The following EBF2 variants were observed in gnomAD, a reference collection of about 807,000 sequenced individuals.
EBF2 encodes EBF transcription factor 2.
Under a neutral mutation model 72.8 loss-of-function variants are expected in EBF2, and 21 were observed. The ratio of observed to expected loss-of-function variants is 0.29; its 90% CI spans 0.20 to 0.42. The LOEUF (loss-of-function observed/expected upper bound fraction) is 0.42. EBF2 is among the 10% of genes least tolerant of loss of function. The pLI, the probability that EBF2 is intolerant of heterozygous loss-of-function variation, is 1.00. For synonymous variants in EBF2, 299 were observed against 274.2 expected, an observed-to-expected ratio of 1.09 and a Z score of -0.89; for missense variants, 637 against 731.2, an observed-to-expected ratio of 0.87 and a Z score of 1.49.
chr8:25,915,371 G>C (rs1391866991), intron 6 of EBF2, among the ~76,000 whole-genome samples: 5 of 151,902 alleles, frequency 3.3e-5, no homozygotes, highest in Admixed American at 3.3e-4. Context: ...TCCTGTCATT[G>C]TCTTCCTCTT....
At chr8:25,900,839 G>T (rs1322440159) in intron 7 of EBF2, among the ~76,000 whole-genome samples, 1 of 151,926 alleles carries the variant, frequency 6.6e-6, no homozygotes, top group Non-Finnish European at 1.5e-5. Context: ...AAATGATTAG[G>T]CAGGATGAAG....
At chr8:25,946,924 GT>G (rs145143555) in intron 6 of EBF2, among the ~76,000 whole-genome samples, 1 of 152,146 alleles carries the variant, frequency 6.6e-6, no homozygotes, top group Admixed American at 6.5e-5. Flanking sequence ...ACAGAGTTAC[GT>G]TTTTTTGTGA....
chr8:25,846,967 G>A (rs1429859729), intron 15 of EBF2, among the ~76,000 whole-genome samples: 1 of 152,148 alleles, frequency 6.6e-6, no homozygotes, highest in Non-Finnish European at 1.5e-5. Flanking sequence ...GGGGTAGGGG[G>A]TATAGGGTAA....
rs1805659906 is a variant in EBF2, at chr8:26,044,178, C to G, written c.131+551G>C. On this transcript the variant is annotated intron_variant, in intron 1 of 15. Coordinates refer to ENST00000520164, the MANE Select transcript of EBF2 (RefSeq NM_022659.4). This position sits in a 1 kb window ranked among gnomAD's most constrained non-coding sequence, Gnocchi z 4.1. ...CCAGCCTGTCCCCCCTCCCAGAGCTCCCGGCCGCCTCGTCTTCCCGGGCAG... is the reference window on the plus strand; with the variant it reads ...CCAGCCTGTCCCCCCTCCCAGAGCTGCCGGCCGCCTCGTCTTCCCGGGCAG... Among the ~76,000 whole-genome samples, 1 of 152,222 alleles carries G rather than the reference C, an allele frequency of 6.6e-6. No individual in the cohort carries two copies. Among genetic ancestry groups the G allele is most frequent in the Admixed American group, 6.5e-5 (1 of 15,292 alleles).
At chr8:25,964,211 A>G (rs1804079218) in intron 6 of EBF2, among the ~76,000 whole-genome samples, 1 of 149,680 alleles carries the variant, frequency 6.7e-6, no homozygotes, top group African/African-American at 2.6e-5. Flanking sequence ...ATTGGATAGG[A>G]ATGACGAGAG....
chr8:25,987,560 C>A (rs1296066145), intron 6 of EBF2, among the ~76,000 whole-genome samples: 1 of 152,214 alleles, frequency 6.6e-6, no homozygotes, highest in African/African-American at 2.4e-5. Context: ...GGCATCATAT[C>A]CATGCCCTTC....
At chr8:26,031,187 A>T (rs2117255558) in intron 6 of EBF2, among the ~76,000 whole-genome samples, 1 of 152,282 alleles carries the variant, frequency 6.6e-6, no homozygotes, top group East Asian at 1.9e-4. Flanking sequence ...GAGAAGCTAA[A>T]GATAGTGGAA....
chr8:25,946,083 C>T (rs1803764300), intron 6 of EBF2, among the ~76,000 whole-genome samples: 1 of 152,192 alleles, frequency 6.6e-6, no homozygotes, highest in South Asian at 2.1e-4. Flanking sequence ...ATGCCACTGT[C>T]AGAAGTAATC....
intron 6 of EBF2, among the ~76,000 whole-genome samples, chr8:25,928,999 C>T (rs2117143258): frequency 6.6e-6 from 1 of 152,230 alleles, no homozygotes; most frequent in Non-Finnish European, 1.5e-5. Context: ...CCTCTATCTC[C>T]ACACTCAATA....
At chr8:25,856,566 ATGCTT>A (rs1346229932) in intron 14 of EBF2, among the ~76,000 whole-genome samples, 3 of 152,230 alleles carry the variant, frequency 2.0e-5, no homozygotes, top group African/African-American at 4.8e-5. Flanking sequence ...AGATGTCAAC[ATGCTT>A]TGTAAGCTGT....
intron 6 of EBF2, among the ~76,000 whole-genome samples, chr8:25,931,944 A>G (rs1335670411): frequency 1.3e-5 from 2 of 152,140 alleles, no homozygotes; most frequent in African/African-American, 4.8e-5. Context: ...CACTATTGTT[A>G]TTACTGCAAT....
intron 6 of EBF2, among the ~76,000 whole-genome samples, chr8:26,027,370 A>G (rs1805317280): frequency 6.6e-6 from 1 of 152,132 alleles, no homozygotes; most frequent in Non-Finnish European, 1.5e-5. Context: ...AGAAGGGCCA[A>G]TGACAAGCCT....
chr8:25,856,317 T>C (rs1390514806), intron 14 of EBF2, among the ~76,000 whole-genome samples: 1 of 152,202 alleles, frequency 6.6e-6, no homozygotes, highest in African/African-American at 2.4e-5. Context: ...ATCAAAATGG[T>C]CAAATAGAGG....
At chr8:25,989,415 A>G (rs1804511592) in intron 6 of EBF2, among the ~76,000 whole-genome samples, 1 of 152,242 alleles carries the variant, frequency 6.6e-6, no homozygotes. Context: ...TAAACTTGTA[A>G]AAGGGCAAGA....
intron 6 of EBF2, among the ~76,000 whole-genome samples, chr8:25,916,724 T>C (rs1803224407): frequency 6.6e-6 from 1 of 152,156 alleles, no homozygotes; most frequent in Non-Finnish European, 1.5e-5. Context: ...AAATGGTCGA[T>C]GGGAGTCCTC....
At chr8:25,874,083 C>A (rs941771502) in intron 10 of EBF2, among the ~76,000 whole-genome samples, 2 of 152,092 alleles carry the variant, frequency 1.3e-5, no homozygotes, top group Admixed American at 6.5e-5. Context: ...TGTACTTGGG[C>A]CAGTTTCTGA....
intron 6 of EBF2, among the ~76,000 whole-genome samples, chr8:25,930,907 CTA>C (rs1252183238): frequency 2.0e-5 from 3 of 152,164 alleles, no homozygotes; most frequent in Non-Finnish European, 4.4e-5. Context: ...CAATCCCCCT[CTA>C]TCACTGAGTA....
At chr8:25,875,064 T>TCTCTGTC (rs2117277265) in intron 10 of EBF2, among the ~76,000 whole-genome samples, 1 of 152,240 alleles carries the variant, frequency 6.6e-6, no homozygotes, top group East Asian at 1.9e-4. Context: ...CCCTTGGCCT[T>TCTCTGTC]CTCTGTCTCC....
intron 6 of EBF2, among the ~76,000 whole-genome samples, chr8:25,965,419 G>A (rs1040102452): frequency 6.6e-6 from 1 of 152,306 alleles, no homozygotes; most frequent in Non-Finnish European, 1.5e-5. Flanking sequence ...ACCAACAAGG[G>A]CAAGGCTGAG....
Sources: allele counts gnomAD v4.1 joint callset (sites outside exome capture counted in the v4.1 genomes callset), GRCh38; gene constraint gnomAD v4.1.1; non-coding constraint Gnocchi (gnomAD v3.1); transcripts MANE v1.5; gene names NCBI Gene and HGNC (gene_info 2026-07-23, HGNC 2026-07-21).